INO80E: variants seen among roughly 807,000 people sequenced by gnomAD.
The protein encoded by INO80E is coiled-coil domain containing 95.
Under a neutral mutation model 27.3 loss-of-function variants are expected in INO80E, and 20 were observed. The ratio of observed to expected loss-of-function variants is 0.73; its 90% confidence interval spans 0.51 to 1.06. The LOEUF (loss-of-function observed/expected upper bound fraction) is 1.06, where lower values mean the gene tolerates loss of function less well. INO80E is among the 50% of genes least tolerant of loss of function. The probability of loss-of-function intolerance (pLI) is 0.00; values close to 1 mark genes in which losing one functional copy is unlikely to be tolerated. For missense variants in INO80E, 357 were observed against 322.8 expected (o/e 1.11, Z -0.81); for synonymous variants, 167 against 145.9 (o/e 1.14, Z -1.04).
At position 29,996,626 on chromosome 16, in the gene INO80E, C is replaced by T. The variant is rs1381492557; in HGVS notation, c.152+9C>T. 2 of 1,581,750 alleles carry T rather than the reference C, an allele frequency of 1.3e-6. No individual in the cohort carries two copies. Among genetic ancestry groups the T allele is most frequent in the African/African-American group, 2.7e-5 (2 of 74,450 alleles). The stretch of plus-strand genomic sequence containing the variant: ...GTGTCCCGGGACAAGAGGTGAGGCA[C>T]GTTGCAGGGGCGGAGGGCGATGTGC... On this transcript the variant is annotated intron_variant, in intron 2 of 6. Coordinates refer to ENST00000563197, the MANE Select transcript of INO80E (RefSeq NM_173618.3).
Position 29,996,590 on chromosome 16 carries a change from A to G in INO80E, c.125A>G (p.Lys42Arg), listed in dbSNP as rs1184260068. The change falls in exon 2 of 7, where the codon AAA (lysine) becomes AGA (arginine). Residue 42 changes from lysine (K) to arginine (R), a missense_variant. Coordinates refer to ENST00000563197, the MANE Select transcript of INO80E (RefSeq NM_173618.3). ...FQEELRKAQRKLLKVSRDKSF... is the reference protein window; with the variant it reads ...FQEELRKAQRRLLKVSRDKSF... ...GAGGAGCTGAGGAAAGCGCAAAGGA[A>G]ATTACTGAAGGTGTCCCGGGACAAG... is the stretch of plus-strand genomic sequence containing the variant. 13 of 1,578,406 alleles carry G rather than the reference A, an allele frequency of 8.2e-6. No individual in the cohort carries two copies. Among genetic ancestry groups the G allele is most frequent in the Non-Finnish European group, 1.1e-5 (13 of 1,162,172 alleles).
At chr16:29,997,100 C>T (rs892927812) in intron 3 of INO80E, among the ~76,000 whole-genome samples, 2 of 152,166 alleles carry the variant, frequency 1.3e-5, no homozygotes, top group Admixed American at 6.5e-5. Context: ...AAGCCCTTGG[C>T]CTCTTGTAAT....
At position 30,001,001 on chromosome 16, in the gene INO80E, C is replaced by G. The variant is rs746199197; in HGVS notation, c.357C>G (p.Pro119=). ...CCCTGCCTCCTTCAACAGGGTTTCCCCTTCAGGCCTCCGGGGTCCCCTCCC... is the reference window on the plus strand; with the variant it reads ...CCCTGCCTCCTTCAACAGGGTTTCCGCTTCAGGCCTCCGGGGTCCCCTCCC... ...SLSLPPSTGF[P]LQASGVPSPY... Residue 119 remains proline (P), a synonymous_variant, in exon 5 of 7, where the codon CCC becomes CCG. Transcript: ENST00000563197. The G allele has an allele frequency of 1.9e-6, 3 of 1,554,342 alleles. No homozygotes were observed. The highest frequency in any genetic ancestry group is 2.3e-5 in the East Asian group (1 of 44,306).
At position 30,000,943 on chromosome 16, in the gene INO80E, C is replaced by G. The variant is rs138024392; in HGVS notation, c.299C>G (p.Pro100Arg). 10 of 1,588,350 alleles carry G rather than the reference C, an allele frequency of 6.3e-6. No homozygotes were observed. Among genetic ancestry groups the G allele is most frequent in the Non-Finnish European group, 8.6e-6 (10 of 1,163,702 alleles). The change falls in exon 5 of 7, where the codon CCG becomes CGG. Residue 100 changes from proline to arginine, a missense_variant. Transcript: ENST00000563197. ...TPAPKRKRSP[P>R]LGGAPSPSSL... ...CCTTTCTCCAGGAAGAGAAGCCCTC[C>G]GCTGGGGGGCGCCCCCTCTCCCTCC...
chr16:30,004,882 G>GGCAA (rs1302798512), intron 6 of INO80E, among the ~76,000 whole-genome samples: 1 of 152,136 alleles, frequency 6.6e-6, no homozygotes, highest in Non-Finnish European at 1.5e-5. Flanking sequence ...CCGGCAGGCA[G>GGCAA]GCAAGCACTC....
intron 5 of INO80E, 91 bp downstream of exon 5, chr16:30,001,131 C>T (rs549387017): frequency 1.1e-5 from 16 of 1,477,514 alleles, no homozygotes; most frequent in South Asian, 2.7e-5. Flanking sequence ...GCCAGCCCAA[C>T]TTTGGGGACA....
At chr16:29,996,785 C>T (rs777727242) in intron 2 of INO80E, 23 bp from the exon 3 acceptor site, 15 of 1,613,386 alleles carry the variant, frequency 9.3e-6, no homozygotes, top group Non-Finnish European at 1.2e-5. Flanking sequence ...AATCACTGTC[C>T]GTGTCTCCTT....
intron 3 of INO80E, among the ~76,000 whole-genome samples, chr16:29,997,430 G>T (rs1190888150): frequency 3.4e-5 from 5 of 146,350 alleles, no homozygotes; most frequent in African/African-American, 2.5e-5. Flanking sequence ...TTTTTCTTTA[G>T]TTTTTTTTTT....
In INO80E at chr16:29,996,284, ACT is replaced by A; in HGVS notation, c.-24_-23del. The A allele has an allele frequency of 6.4e-7, 1 of 1,565,242 alleles. No homozygotes were observed. Among genetic ancestry groups the A allele is most frequent in the Admixed American group, 1.9e-5 (1 of 53,110 alleles). On this transcript the variant is annotated 5_prime_UTR_variant, in exon 1 of 7. Transcript: ENST00000563197. ...ACTGCTTGGGGTAGCGGGAGGGCAG[ACT>A]CTGGGCGCCACTCCCGGGCCGGTCA... is the stretch of plus-strand genomic sequence containing the variant.
intron 6 of INO80E, among the ~76,000 whole-genome samples, chr16:30,004,998 C>A (rs1038150297): frequency 3.1e-4 from 47 of 152,244 alleles, no homozygotes; most frequent in African/African-American, 9.9e-4. Context: ...CTGTGAGACA[C>A]CCCCATCCCC....
rs566001902 is a variant in INO80E, at chr16:30,005,001, C to T, written c.514-220C>T. ...CCTCCCGGTTTCCTGTGAGACACCC[C>T]CATCCCCTCATCTCACCTCTATCAC... On this transcript the variant is annotated intron_variant, in intron 6 of 6. Coordinates refer to ENST00000563197, the MANE Select transcript of INO80E (RefSeq NM_173618.3). Among the ~76,000 whole-genome samples the T allele has an allele frequency of 7.2e-5, 11 of 152,258 alleles. No individual in the cohort carries two copies. The South Asian group carries it at 1.7e-3, about 23-fold the overall frequency.
intron 4 of INO80E, 22 bp from the exon 5 acceptor site, chr16:30,000,907 C>G (rs776812710): frequency 6.2e-7 from 1 of 1,609,670 alleles, no homozygotes; most frequent in South Asian, 1.1e-5. Flanking sequence ...CCACATCTGA[C>G]CTCGCCCTGT....
In INO80E at chr16:30,005,388, CG is replaced by C; in HGVS notation, c.685del (p.Asp229ThrfsTer11). On this transcript the variant is annotated frameshift_variant, in exon 7 of 7. Transcript: ENST00000563197. LOFTEE classifies it high-confidence loss of function. ...PRQMFSDAGS[G>X]DDALDGDDDL... ...GGCAGATGTTCAGCGATGCAGGTAG[CG>C]GGGACGATGCCTTGGATGGAGACGA... The C allele has an allele frequency of 6.9e-7, 1 of 1,445,990 alleles. No individual in the cohort carries two copies. Among genetic ancestry groups the C allele is most frequent in the South Asian group, 1.1e-5 (1 of 86,960 alleles). 89.6% of individuals were successfully genotyped at this position (1,445,990 alleles called of 1,614,324 possible). A position where few individuals can be genotyped will look rare whatever the true frequency, so the allele number is the denominator to read the frequency against.
rs199546883 is a variant in INO80E, at chr16:30,001,020, C to T, written c.376C>T (p.Pro126Ser). ...TGFPLQASGV[P>S]SPYLSSLASS... is the part of the protein sequence containing the mutation. ...GTTTCCCCTTCAGGCCTCCGGGGTCCCCTCCCCATACCTGAGCTCGGTGAG... is the reference window on the plus strand; with the variant it reads ...GTTTCCCCTTCAGGCCTCCGGGGTCTCCTCCCCATACCTGAGCTCGGTGAG... The change falls in exon 5 of 7, where the codon CCC becomes TCC. Residue 126 changes from proline (P) to serine (S), a missense_variant. By Grantham distance (74) the Pro-to-Ser change is moderately conservative. Coordinates refer to ENST00000563197, the MANE Select transcript of INO80E (RefSeq NM_173618.3). 1 of 1,550,288 alleles carries T rather than the reference C, an allele frequency of 6.5e-7. No individual in the cohort carries two copies. The highest frequency in any genetic ancestry group is 8.7e-7 in the Non-Finnish European group (1 of 1,147,230).
rs2070344879 is a variant in INO80E at position 30,001,353 on chromosome 16, T to C, written c.397-61T>C. 3.9e-6 allele frequency: 6 copies of C among 1,523,412 alleles called. No individual in the cohort carries two copies. In the South Asian group the frequency reaches 6.1e-5, roughly 15 times the overall value. 94.4% of individuals were successfully genotyped at this position (1,523,412 alleles called of 1,614,324 possible). ...TCCATCCTCCTTCTGTTTGCATTTC[T>C]TCCCCCACCCTCACCCCGGTCCATT... On this transcript the variant is annotated intron_variant, in intron 5 of 6. Coordinates refer to ENST00000563197, the MANE Select transcript of INO80E (RefSeq NM_173618.3).
chr16:30,001,534 C>A lies in INO80E; in HGVS notation c.513+4C>A, dbSNP rs1251328529. On this transcript the variant is annotated splice_donor_region_variant and intron_variant, in intron 6 of 6. Coordinates refer to ENST00000563197, the MANE Select transcript of INO80E (RefSeq NM_173618.3). ...CCGCCTGCCCCGGAAACTCAAGGTACCCTGACGTGGGGGTGCTAGGGAGGG... is the reference window on the plus strand; with the variant it reads ...CCGCCTGCCCCGGAAACTCAAGGTAACCTGACGTGGGGGTGCTAGGGAGGG... 1.9e-6 allele frequency: 3 copies of A among 1,611,352 alleles called. No homozygotes were observed. Among genetic ancestry groups the A allele is most frequent in the Non-Finnish European group, 2.5e-6 (3 of 1,178,790 alleles).
At chr16:30,004,979 C>T (rs2070503824) in intron 6 of INO80E, among the ~76,000 whole-genome samples, 1 of 152,158 alleles carries the variant, frequency 6.6e-6, no homozygotes, top group Non-Finnish European at 1.5e-5. Flanking sequence ...GCCTTTCCCT[C>T]CCGGTTTCCT....
rs758611954 is a variant in INO80E at position 30,005,407 on chromosome 16, G to A, written c.700G>A (p.Gly234Arg). The A allele has an allele frequency of 6.2e-7, 1 of 1,604,772 alleles. No homozygotes were observed. The highest frequency in any genetic ancestry group is 1.7e-5 in the Admixed American group (1 of 59,220). ...DAGSGDDALD[G>R]DDDLVIDIPE is the part of the protein sequence containing the mutation. ...AGGTAGCGGGGACGATGCCTTGGAT[G>A]GAGACGATGACCTGGTGATCGACAT... is the stretch of plus-strand genomic sequence containing the variant. Residue 234 changes from glycine to arginine, a missense_variant, in exon 7 of 7, where the codon GGA (glycine) becomes AGA (arginine). Gly to Arg is a moderately radical substitution (Grantham distance 125, BLOSUM62 -2). Transcript: ENST00000563197.
At chr16:30,001,246 C>G (rs997810662) in intron 5 of INO80E, 168 bp from the exon 6 acceptor site, 2 of 1,495,082 alleles carry the variant, frequency 1.3e-6, no homozygotes, top group Non-Finnish European at 8.9e-7. Context: ...AGAGCAAAGC[C>G]CAGGACAGCA....
Sources: gnomAD v4.1 joint callset for allele counts (sites outside exome capture counted in the v4.1 genomes callset) on GRCh38, gnomAD v4.1.1 for gene constraint, MANE v1.5 for transcripts, NCBI Gene and HGNC (gene_info 2026-07-23, HGNC 2026-07-21) for gene names.